The following NEB variants were observed in gnomAD, a reference collection of about 807,000 sequenced individuals.
NEB encodes nebulin, also known as nemaline myopathy type 2.
In NEB, 512 loss-of-function variants were observed where a neutral mutation model predicts 952.2. That is an observed-to-expected ratio of 0.54 (90% CI 0.50 to 0.58). The LOEUF (loss-of-function observed/expected upper bound fraction) is 0.58. Among genes scored for constraint, NEB ranks in the 20% least tolerant of loss-of-function variants. The pLI, the probability that NEB is intolerant of heterozygous loss-of-function variation, is 0.00. For missense variants in NEB, 8,428 were observed against 9,231.1 expected, an observed-to-expected ratio of 0.91 and a Z score of 3.56; for synonymous variants, 2,900 against 3,149.8, an observed-to-expected ratio of 0.92 and a Z score of 2.66.
chr2:151,567,481 T>A lies in NEB; in HGVS notation c.17845-2A>T, dbSNP rs1177405905. On this transcript the variant is annotated splice_acceptor_variant, in intron 113 of 181. Coordinates refer to ENST00000397345, the MANE Select transcript of NEB (RefSeq NM_001164508.2). LOFTEE classifies it high-confidence loss of function. ...CACATGTTCAGCTTTGTATTTCAGC[T>A]GGCGAGAAGAGGAATATAAATTCCA... 6.2e-7 allele frequency: 1 copy of A among 1,601,404 alleles called. No individual in the cohort carries two copies. The highest frequency in any genetic ancestry group is 2.2e-5 in the East Asian group (1 of 44,486).
At chr2:151,716,434 G>A (rs945997205) in intron 10 of NEB, among the ~76,000 whole-genome samples, 5 of 152,050 alleles carry the variant, frequency 3.3e-5, no homozygotes, top group African/African-American at 1.2e-4. Context: ...ACCGCGCCTG[G>A]CCAATATCAA....
At chr2:151,642,445 A>G in intron 60 of NEB, 129 bp downstream of exon 60, 1 of 756,188 alleles carries the variant, frequency 1.3e-6, no homozygotes, top group Non-Finnish European at 2.1e-6. Context: ...ATTTTAAACC[A>G]TTCATCGAAA....
chr2:151,538,873 G>C (rs1413038578), intron 138 of NEB, among the ~76,000 whole-genome samples: 1 of 152,092 alleles, frequency 6.6e-6, no homozygotes, highest in Non-Finnish European at 1.5e-5. Context: ...ACACAAGATG[G>C]GTGCTTCTCT....
intron 119 of NEB, among the ~76,000 whole-genome samples, chr2:151,563,381 C>CA (rs2096207712): frequency 6.6e-6 from 1 of 152,024 alleles, no homozygotes; most frequent in Non-Finnish European, 1.5e-5. Flanking sequence ...TTTCTGAACA[C>CA]AAAGCAGTCA....
At chr2:151,569,650 G>A (rs1358720346) in intron 109 of NEB, among the ~76,000 whole-genome samples, 2 of 152,224 alleles carry the variant, frequency 1.3e-5, no homozygotes, top group East Asian at 3.9e-4. Context: ...ATTTCCAAGA[G>A]AAATGGGAAA....
intron 129 of NEB, 74 bp downstream of exon 129, chr2:151,551,659 AGGAAG>A: frequency 9.2e-7 from 1 of 1,090,034 alleles, no homozygotes; most frequent in East Asian, 2.4e-5. Context: ...TCAGGTCAAG[AGGAAG>A]CAAGCTCAGC....
chr2:151,552,510 G>GA (rs1267088123), intron 128 of NEB, among the ~76,000 whole-genome samples, 162 bp downstream of exon 128: 1 of 152,138 alleles, frequency 6.6e-6, no homozygotes, highest in African/African-American at 2.4e-5. Flanking sequence ...CAGGTTTCAG[G>GA]AAACAATAGC....
At chr2:151,550,947 AATTATTATT>A (rs5835373) in intron 129 of NEB, among the ~76,000 whole-genome samples, 46 of 138,890 alleles carry the variant, frequency 3.3e-4, no homozygotes, top group Admixed American at 6.5e-4. Context: ...GCCTGGCCAA[AATTATTATT>A]ATTATTATTA....
At chr2:151,635,364 G>T (rs1184530589) in intron 64 of NEB, among the ~76,000 whole-genome samples, 2 of 152,084 alleles carry the variant, frequency 1.3e-5, no homozygotes, top group African/African-American at 4.8e-5. Context: ...AAGAATCCCT[G>T]AGGCACCAGA....
chr2:151,683,710 C>A (rs1021117037), intron 28 of NEB, among the ~76,000 whole-genome samples: 5 of 152,142 alleles, frequency 3.3e-5, no homozygotes, highest in African/African-American at 1.2e-4. Flanking sequence ...TATTCAACTT[C>A]GGGTTTATAC....
chr2:151,549,080 G>A (rs896397951), intron 130 of NEB, among the ~76,000 whole-genome samples: 3 of 152,130 alleles, frequency 2.0e-5, no homozygotes, highest in Admixed American at 6.5e-5. Flanking sequence ...CAACATGAGG[G>A]TCATCATTTG....
At chr2:151,550,958 T>C (rs2095288652) in intron 129 of NEB, among the ~76,000 whole-genome samples, 2 of 146,722 alleles carry the variant, frequency 1.4e-5, no homozygotes, top group Admixed American at 1.4e-4. Flanking sequence ...ATTATTATTA[T>C]TATTATTATT....
chr2:151,560,826 A>C, intron 123 of NEB, 127 bp from the exon 124 acceptor site: 1 of 783,740 alleles, frequency 1.3e-6, no homozygotes, highest in Non-Finnish European at 2.0e-6. Flanking sequence ...CTCCTCTTTA[A>C]GGTGGGGCTT....
At chr2:151,490,101 T>C in intron 180 of NEB, 24 bp from the exon 181 acceptor site, 1 of 1,548,164 alleles carries the variant, frequency 6.5e-7, no homozygotes, top group African/African-American at 1.4e-5. Flanking sequence ...GGCAAATTCT[T>C]TATAAGAAGA....
At chr2:151,526,757 G>T (rs920837866) in intron 148 of NEB, among the ~76,000 whole-genome samples, 161 bp downstream of exon 148, 10 of 152,134 alleles carry the variant, frequency 6.6e-5, no homozygotes, top group Non-Finnish European at 1.5e-4. Context: ...TGCCCTGCTT[G>T]ACTGCTGGCG....
At chr2:151,658,899 C>G (rs925856284) in intron 47 of NEB, among the ~76,000 whole-genome samples, 166 bp downstream of exon 47, 8 of 152,168 alleles carry the variant, frequency 5.3e-5, no homozygotes, top group Non-Finnish European at 1.0e-4. Flanking sequence ...CATCCACAGT[C>G]CTACTCCAAC....
At chr2:151,520,441 T>G (rs569542268) in intron 153 of NEB, among the ~76,000 whole-genome samples, 1 of 150,524 alleles carries the variant, frequency 6.6e-6, no homozygotes, top group South Asian at 2.1e-4. Context: ...AAAATAAGTT[T>G]AGGTAGGCAG....
intron 55 of NEB, among the ~76,000 whole-genome samples, chr2:151,644,994 A>G (rs1284315706): frequency 6.6e-6 from 1 of 152,282 alleles, no homozygotes; most frequent in South Asian, 2.1e-4. Context: ...GGCCACTGTA[A>G]CACAATGGGA....
intron 179 of NEB, among the ~76,000 whole-genome samples, chr2:151,490,983 C>G (rs1157054863): frequency 1.3e-5 from 2 of 151,934 alleles, no homozygotes; most frequent in Non-Finnish European, 2.9e-5. Flanking sequence ...ACTTCTGTGT[C>G]TTGATCAGAA....
Sources: allele counts gnomAD v4.1 joint callset (sites outside exome capture counted in the v4.1 genomes callset), GRCh38; gene constraint gnomAD v4.1.1; transcripts MANE v1.5; gene names NCBI Gene and HGNC (gene_info 2026-07-23, HGNC 2026-07-21).